The following PHEX variants were observed in gnomAD, a reference collection of about 807,000 sequenced individuals.
PHEX encodes the protein phosphate-regulating neutral endopeptidase PHEX.
In PHEX, 16 loss-of-function variants were observed where a neutral mutation model predicts 68.0. That is an observed-to-expected ratio of 0.24 (90% CI 0.16 to 0.36). PHEX has a LOEUF of 0.36. PHEX is among the 10% of genes least tolerant of loss of function. PHEX has a pLI of 1.00. For synonymous variants in PHEX, 208 were observed against 205.1 expected (o/e 1.01, Z -0.12); for missense variants, 480 against 575.5 (o/e 0.83, Z 1.70).
chrX:22,060,316 G>A lies in PHEX; in HGVS notation c.349+13105G>A, dbSNP rs768382318. On this transcript the variant is annotated intron_variant, in intron 3 of 21. Transcript: ENST00000379374. Reference sequence around the variant, plus strand: ...GCTTGTTATTCAATGTTGAAGACAGGGGCTGTTGATTGAACTTAGAAGGGT... The same window carrying A: ...GCTTGTTATTCAATGTTGAAGACAGAGGCTGTTGATTGAACTTAGAAGGGT... 4.2e-3 allele frequency among the ~76,000 whole-genome samples: 464 copies of A among 111,757 alleles called. 2 individuals are homozygous for A. Among genetic ancestry groups the A allele is most frequent in the Non-Finnish European group, 6.3e-3 (335 of 53,194 alleles).
intron 15 of PHEX, among the ~76,000 whole-genome samples, chrX:22,197,582 T>C (rs2147145883): frequency 9.0e-6 from 1 of 110,824 alleles, no homozygotes; most frequent in East Asian, 2.8e-4. Flanking sequence ...AGCCAAGCTT[T>C]CAGATGACCG....
At chrX:22,085,574 CAAAA>C (rs61594590) in intron 5 of PHEX, among the ~76,000 whole-genome samples, 1 of 52,810 alleles carries the variant, frequency 1.9e-5, no homozygotes. Context: ...GACTCCATCT[CAAAA>C]AAAAAAAAAA....
At chrX:22,222,659 C>T (rs1935308516) in intron 18 of PHEX, among the ~76,000 whole-genome samples, 1 of 111,701 alleles carries the variant, frequency 9.0e-6, no homozygotes, top group Non-Finnish European at 1.9e-5. Flanking sequence ...GTTAAAAACC[C>T]CCCAAAAAAC....
At chrX:22,177,396 C>G (rs1441588268) in intron 13 of PHEX, among the ~76,000 whole-genome samples, 1 of 111,167 alleles carries the variant, frequency 9.0e-6, no homozygotes, top group African/African-American at 3.3e-5. Context: ...TATTTAAAAA[C>G]CCAAGCATTG....
intron 12 of PHEX, among the ~76,000 whole-genome samples, chrX:22,143,912 A>C (rs1400331401): frequency 8.9e-6 from 1 of 112,271 alleles, no homozygotes; most frequent in African/African-American, 3.2e-5. Context: ...ATATTACTGA[A>C]TTGAAGCAAC....
chrX:22,062,972 G>A (rs759792028), intron 3 of PHEX, among the ~76,000 whole-genome samples: 1 of 111,127 alleles, frequency 9.0e-6, no homozygotes, highest in East Asian at 2.8e-4. Context: ...TGTTGGACAG[G>A]CTGGTCTCGA....
chrX:22,035,044 A>T (rs1319575979), intron 1 of PHEX, among the ~76,000 whole-genome samples: 1 of 110,543 alleles, frequency 9.0e-6, no homozygotes, highest in Admixed American at 9.7e-5. Flanking sequence ...CTTCATGACA[A>T]TATTCTAGTT....
At chrX:22,118,289 C>T (rs1931323841) in intron 11 of PHEX, among the ~76,000 whole-genome samples, 2 of 86,433 alleles carry the variant, frequency 2.3e-5, no homozygotes, top group Non-Finnish European at 4.2e-5. Flanking sequence ...TCGTGGACCA[C>T]ACTTTGCGCA....
chrX:22,093,410 G>A (rs886078626), intron 6 of PHEX, among the ~76,000 whole-genome samples: 1 of 111,915 alleles, frequency 8.9e-6, no homozygotes, highest in Non-Finnish European at 1.9e-5. Context: ...TCCTATCATC[G>A]TTCCTCTCTT....
intron 12 of PHEX, among the ~76,000 whole-genome samples, chrX:22,151,728 G>A (rs1214392381): frequency 8.9e-6 from 1 of 111,976 alleles, no homozygotes; most frequent in Non-Finnish European, 1.9e-5. Flanking sequence ...AGGAGAGCCT[G>A]TCCTCTCTGC....
At chrX:22,139,207 T>C (rs1932354601) in intron 12 of PHEX, among the ~76,000 whole-genome samples, 1 of 111,684 alleles carries the variant, frequency 9.0e-6, no homozygotes, top group Non-Finnish European at 1.9e-5. Context: ...AAAGTACTTA[T>C]AAGAATGCCT....
intron 9 of PHEX, among the ~76,000 whole-genome samples, chrX:22,107,958 C>T (rs187043177): frequency 3.6e-4 from 40 of 112,209 alleles, no homozygotes; most frequent in Non-Finnish European, 6.9e-4. Flanking sequence ...AACCCAATTA[C>T]ATGAACAAGC....
intron 5 of PHEX, among the ~76,000 whole-genome samples, chrX:22,086,411 C>A (rs927496769): frequency 8.9e-6 from 1 of 111,937 alleles, no homozygotes; most frequent in Non-Finnish European, 1.9e-5. Context: ...GTCAAAGAAC[C>A]CAAGATGGTC....
At chrX:22,116,876 C>A (rs1301915576) in intron 11 of PHEX, among the ~76,000 whole-genome samples, 1 of 110,977 alleles carries the variant, frequency 9.0e-6, no homozygotes, top group Non-Finnish European at 1.9e-5. Flanking sequence ...TGAATGAATT[C>A]TTAACAGGAC....
At chrX:22,098,548 A>G (rs1442208450) in intron 8 of PHEX, among the ~76,000 whole-genome samples, 1 of 106,184 alleles carries the variant, frequency 9.4e-6, no homozygotes, top group African/African-American at 3.5e-5. Context: ...GCACATTGGG[A>G]GGCCAAGGTG....
chrX:22,090,641 C>G, intron 6 of PHEX, 144 bp downstream of exon 6: 2 of 500,990 alleles, frequency 4.0e-6, no homozygotes, highest in Non-Finnish European at 3.6e-6. Context: ...TTTATTCAGG[C>G]AGATAAATTC....
chrX:22,229,682 C>T (rs56204115), intron 20 of PHEX, among the ~76,000 whole-genome samples: 12,541 of 111,586 alleles, frequency 0.11, 593 homozygotes, highest in African/African-American at 0.18. Context: ...TTCTCCCATT[C>T]TTTAGGATGC....
At chrX:22,044,676 G>A (rs754810433) in intron 2 of PHEX, among the ~76,000 whole-genome samples, 481 of 109,347 alleles carry the variant, frequency 4.4e-3, no homozygotes, top group Non-Finnish European at 6.0e-3. Flanking sequence ...TCACGCCACT[G>A]CACTCCAGCC....
chrX:22,173,070 C>T (rs1310959482), intron 13 of PHEX: 3 of 110,030 alleles, frequency 2.7e-5, no homozygotes, highest in Non-Finnish European at 3.8e-5. Context: ...TGCCACTCTG[C>T]AAGAGTGAGG....
Sources: gnomAD v4.1 joint callset for allele counts (sites outside exome capture counted in the v4.1 genomes callset) on GRCh38, gnomAD v4.1.1 for gene constraint, MANE v1.5 for transcripts, NCBI Gene and HGNC (gene_info 2026-07-23, HGNC 2026-07-21) for gene names.